LPIN3: variants seen among roughly 807,000 people sequenced by gnomAD.
The protein encoded by LPIN3 is lipin 3.
A neutral mutation model predicts 94.7 loss-of-function variants in LPIN3; 82 were observed. That is an observed-to-expected ratio of 0.87 (90% CI 0.72 to 1.04). The LOEUF is 1.04. Ranked by LOEUF, LPIN3 falls within the 50% of genes least tolerant of loss-of-function variation. The pLI is 0.00. For synonymous variants in LPIN3, 418 were observed against 443.3 expected, an observed-to-expected ratio of 0.94 and a Z score of 0.72; for missense variants, 996 against 1,090.5, an observed-to-expected ratio of 0.91 and a Z score of 1.22.
chr20:41,347,588 C>T lies in LPIN3; in HGVS notation c.229C>T (p.His77Tyr), dbSNP rs757849742. 6.2e-7 allele frequency: 1 copy of T among 1,614,044 alleles called. No individual in the cohort carries two copies. Among genetic ancestry groups the T allele is most frequent in the Non-Finnish European group, 8.5e-7 (1 of 1,180,024 alleles). ...GCTCAATGGGGAGCCTGTGGACTTGCACATGAAGCTTGGGGACAGCGGGGA... is the reference window on the plus strand; with the variant it reads ...GCTCAATGGGGAGCCTGTGGACTTGTACATGAAGCTTGGGGACAGCGGGGA... ...IELNGEPVDL[H>Y]MKLGDSGEAF... Residue 77 changes from histidine to tyrosine, a missense_variant, in exon 3 of 20, where the codon CAC (histidine) becomes TAC (tyrosine). His to Tyr is a moderately conservative substitution (Grantham distance 83, BLOSUM62 2). Coordinates refer to ENST00000373257, the MANE Select transcript of LPIN3 (RefSeq NM_022896.3).
Position 41,358,868 on chromosome 20 carries a change from C to A in LPIN3, c.*2C>A. On this transcript the variant is annotated 3_prime_UTR_variant, in exon 20 of 20. Transcript: ENST00000373257. ...GTGGACCTTGATACCCTGGACTGAA[C>A]CTGCCCTGGCTGGCTCCTCCTCCCT... 6.2e-7 allele frequency: 1 copy of A among 1,613,842 alleles called. No individual in the cohort carries two copies. The highest frequency in any genetic ancestry group is 1.1e-5 in the South Asian group (1 of 91,062).
Position 41,352,846 on chromosome 20 carries a change from C to T in LPIN3, c.1506C>T (p.Ala502=). Residue 502 remains alanine, a synonymous_variant, in exon 11 of 20, where the codon GCC becomes GCT. Transcript: ENST00000373257. ...CCCCCATGATCCTCTCCCTGCAAGC[C>T]TTCCAGAAAAACTTGCCCAAGGTAA... is the stretch of plus-strand genomic sequence containing the variant. ...VAAPMILSLQ[A]FQKNLPKSTM... 2 of 1,614,204 alleles carry T rather than the reference C, an allele frequency of 1.2e-6. No individual in the cohort carries two copies. Among genetic ancestry groups the T allele is most frequent in the Non-Finnish European group, 1.7e-6 (2 of 1,180,040 alleles).
intron 7 of LPIN3, among the ~76,000 whole-genome samples, chr20:41,351,564 G>T (rs928558533): frequency 7.2e-5 from 11 of 152,032 alleles, no homozygotes; most frequent in Admixed American, 7.2e-4. Flanking sequence ...CAAAGTGCTG[G>T]GATTACAGGT....
intron 2 of LPIN3, 61 bp downstream of exon 2, chr20:41,346,056 C>G: frequency 6.5e-7 from 1 of 1,546,736 alleles, no homozygotes; most frequent in Non-Finnish European, 8.8e-7. Context: ...CTGGGGCAGC[C>G]ACTACAGTCC....
chr20:41,358,258 A>G lies in LPIN3; in HGVS notation c.2214A>G (p.Pro738=). 1 of 1,614,020 alleles carries G rather than the reference A, an allele frequency of 6.2e-7. No homozygotes were observed. Among genetic ancestry groups the G allele is most frequent in the East Asian group, 2.2e-5 (1 of 44,866 alleles). The change falls in exon 18 of 20, where the codon CCA becomes CCG. Residue 738 remains proline (P), a synonymous_variant. Transcript: ENST00000373257. ...ALHREVIEKK[P]EVFKVACLSD... is the part of the protein sequence containing the mutation. ...CCAGAGAGGTGATCGAGAAGAAACCAGAGGTGTTCAAGGTCGCCTGCCTGA... is the reference window on the plus strand; with the variant it reads ...CCAGAGAGGTGATCGAGAAGAAACCGGAGGTGTTCAAGGTCGCCTGCCTGA...
At chr20:41,356,969 G>A (rs1380151519) in intron 14 of LPIN3, 71 bp from the exon 15 acceptor site, 22 of 1,562,662 alleles carry the variant, frequency 1.4e-5, no homozygotes, top group Middle Eastern at 1.7e-4. Flanking sequence ...CGGAGGCCAC[G>A]GCGTAAGGGG....
rs561807012 is a variant in LPIN3, at chr20:41,348,740, C to T, written c.410C>T (p.Ala137Val). The change falls in exon 4 of 20, where the codon GCC (alanine) becomes GTC (valine). Residue 137 changes from alanine to valine, a missense_variant. Transcript: ENST00000373257. ...GAGGGCCTCGTCATGGCAGGCACGG[C>T]CTCCACTGGGCGGAGGAAGAGGCGT... is the stretch of plus-strand genomic sequence containing the variant. ...EPEGLVMAGT[A>V]STGRRKRRRR... 5 of 1,613,602 alleles carry T rather than the reference C, an allele frequency of 3.1e-6. No individual in the cohort carries two copies. Among genetic ancestry groups the T allele is most frequent in the Admixed American group, 1.7e-5 (1 of 59,946 alleles).
chr20:41,352,920 G>A, intron 11 of LPIN3, 53 bp downstream of exon 11: 1 of 1,590,090 alleles, frequency 6.3e-7, no homozygotes, highest in Non-Finnish European at 8.6e-7. Context: ...ATAGACTCAG[G>A]GCACGGAGAC....
At chr20:41,358,060 C>G (rs755382543) in intron 17 of LPIN3, 26 bp downstream of exon 17, 1 of 1,575,684 alleles carries the variant, frequency 6.3e-7, no homozygotes, top group South Asian at 1.2e-5. Flanking sequence ...CATACAAGCC[C>G]GTGGCCCCCT....
Position 41,350,090 on chromosome 20 carries a change from C to T in LPIN3, c.795C>T (p.Val265=). The change falls in exon 7 of 20, where the codon GTC becomes GTT. Residue 265 remains valine (V), a synonymous_variant. Coordinates refer to ENST00000373257, the MANE Select transcript of LPIN3 (RefSeq NM_022896.3). ...ARAERPESSV[V]LEGRAGATSP... ...CTGAGCGGCCCGAGTCCTCAGTGGT[C>T]CTTGAAGGCAGAGCTGGGGCAACCT... 2.5e-6 allele frequency: 4 copies of T among 1,608,864 alleles called. No homozygotes were observed.
At chr20:41,358,374 G>C (rs750079286) in intron 18 of LPIN3, 23 bp downstream of exon 18, 2 of 1,613,440 alleles carry the variant, frequency 1.2e-6, no homozygotes. Flanking sequence ...CCTCCACTCT[G>C]CTGAGCCACC....
At chr20:41,342,668 G>T (rs1414356025) in intron 1 of LPIN3, among the ~76,000 whole-genome samples, 10 of 141,050 alleles carry the variant, frequency 7.1e-5, no homozygotes. Flanking sequence ...AGGCAGATGT[G>T]GGGGGGCTCA....
intron 14 of LPIN3, 36 bp downstream of exon 14, chr20:41,356,070 G>A (rs554668161): frequency 6.2e-7 from 1 of 1,606,248 alleles, no homozygotes; most frequent in South Asian, 1.1e-5. Flanking sequence ...GTTGGGGAGG[G>A]GCTGAGCTAA....
chr20:41,356,510 G>A (rs2046213580), intron 14 of LPIN3, among the ~76,000 whole-genome samples: 1 of 152,222 alleles, frequency 6.6e-6, no homozygotes, highest in South Asian at 2.1e-4. Context: ...GTACAAAGCA[G>A]CTGCCATCTG....
At position 41,354,663 on chromosome 20, in the gene LPIN3, G is replaced by C; in HGVS notation, c.1546G>C (p.Glu516Gln). Reference protein sequence around the residue: ...NLPKSTMDKLEREKMPRKGGR... With the variant: ...NLPKSTMDKLQREKMPRKGGR... Reference sequence around the variant, plus strand: ...CCCACAGAGCACCATGGACAAGCTGGAGAGGGAGAAGATGCCCCGGAAGGG... The same window carrying C: ...CCCACAGAGCACCATGGACAAGCTGCAGAGGGAGAAGATGCCCCGGAAGGG... The change falls in exon 12 of 20, where the codon GAG becomes CAG. Residue 516 changes from glutamate to glutamine, a missense_variant. Glu to Gln is a conservative substitution (Grantham distance 29). Transcript: ENST00000373257. The C allele has an allele frequency of 6.3e-7, 1 of 1,594,126 alleles. No homozygotes were observed. The highest frequency in any genetic ancestry group is 8.6e-7 in the Non-Finnish European group (1 of 1,168,740).
chr20:41,343,341 G>T (rs2045656053), intron 1 of LPIN3, among the ~76,000 whole-genome samples: 1 of 152,166 alleles, frequency 6.6e-6, no homozygotes, highest in African/African-American at 2.4e-5. Context: ...GGGCACAGTG[G>T]TTTAGAGGTC....
chr20:41,344,992 C>T lies in LPIN3; in HGVS notation c.-8-804C>T, dbSNP rs555478732. ...ATGCTCTGCCTTGAGCATCTGACCC[C>T]AGGAATGGGGCTGAACAGAGCCTTG... On this transcript the variant is annotated intron_variant, in intron 1 of 19. Coordinates refer to ENST00000373257, the MANE Select transcript of LPIN3 (RefSeq NM_022896.3). Among the ~76,000 whole-genome samples the T allele has an allele frequency of 5.3e-4, 81 of 152,346 alleles. 1 individual carries two copies. Among genetic ancestry groups the T allele is most frequent in the African/African-American group, 1.9e-3 (81 of 41,586 alleles).
Position 41,347,606 on chromosome 20 carries a change from A to G in LPIN3, c.247A>G (p.Ser83Gly), listed in dbSNP as rs768449216. The G allele has an allele frequency of 6.2e-6, 10 of 1,614,052 alleles. No homozygotes were observed. Among genetic ancestry groups the G allele is most frequent in the African/African-American group, 5.3e-5 (4 of 74,950 alleles). ...GGACTTGCACATGAAGCTTGGGGACAGCGGGGAGGCCTTCTTTGTTCAGGA... is the reference window on the plus strand; with the variant it reads ...GGACTTGCACATGAAGCTTGGGGACGGCGGGGAGGCCTTCTTTGTTCAGGA... Reference protein sequence around the residue: ...PVDLHMKLGDSGEAFFVQELE... With the variant: ...PVDLHMKLGDGGEAFFVQELE... Residue 83 changes from serine (S) to glycine (G), a missense_variant, in exon 3 of 20, where the codon AGC becomes GGC. Transcript: ENST00000373257.
rs549689282 is a variant in LPIN3, at chr20:41,344,066, A to C, written c.-8-1730A>C. Among the ~76,000 whole-genome samples the C allele has an allele frequency of 9.1e-4, 138 of 152,120 alleles. 1 individual carries two copies. The highest frequency in any genetic ancestry group is 1.2e-3 in the Admixed American group (19 of 15,274). The stretch of plus-strand genomic sequence containing the variant: ...AACAGAGTGAGATCCTGTCTCAAAA[A>C]AAAAAAAGAAAAGAAAAGAAAAGAA... On this transcript the variant is annotated intron_variant, in intron 1 of 19. Coordinates refer to ENST00000373257, the MANE Select transcript of LPIN3 (RefSeq NM_022896.3).
Sources: allele counts gnomAD v4.1 joint callset (sites outside exome capture counted in the v4.1 genomes callset), GRCh38; gene constraint gnomAD v4.1.1; transcripts MANE v1.5; gene names NCBI Gene and HGNC (gene_info 2026-07-23, HGNC 2026-07-21).